The following WIPF3 variants were observed in gnomAD, a reference collection of about 807,000 sequenced individuals.
WIPF3 encodes WAS/WASL interacting protein family member 3.
In WIPF3, 33 loss-of-function variants were observed where a neutral mutation model predicts 38.9. The ratio of observed to expected loss-of-function variants is 0.85; its 90% CI spans 0.64 to 1.14. The LOEUF (loss-of-function observed/expected upper bound fraction) is 1.14. WIPF3 is among the 50% of genes most tolerant of loss of function. WIPF3 has a pLI of 0.00. For synonymous variants in WIPF3, 324 were observed against 269.3 expected (o/e 1.20, Z -1.99); for missense variants, 711 against 652.5 (o/e 1.09, Z -0.98).
intron 8 of WIPF3, 76 bp from the exon 9 acceptor site, chr7:29,914,417 G>A (rs974611302): frequency 1.6e-6 from 2 of 1,220,370 alleles, no homozygotes; most frequent in Admixed American, 3.0e-5. Context: ...GCCTGTTTGG[G>A]GGGGTGGAGG....
chr7:29,884,194 C>T lies in WIPF3; in HGVS notation c.700C>T (p.Pro234Ser). 1.3e-6 allele frequency: 2 copies of T among 1,521,948 alleles called. No individual in the cohort carries two copies. Among genetic ancestry groups the T allele is most frequent in the Non-Finnish European group, 1.8e-6 (2 of 1,130,614 alleles). The allele number at this position is 1,521,948 out of a possible 1,614,324, so 94.3% of individuals were successfully genotyped here. Residue 234 changes from proline (P) to serine (S), a missense_variant, in exon 5 of 9, where the codon CCA (proline) becomes TCA (serine). Pro to Ser is a moderately conservative substitution (Grantham distance 74). Transcript: ENST00000242140. ...TCCACCTCCGCCACCTCCCCCAACG[C>T]CACCCCCGCTGCCCCCGGCCTCGGT... is the stretch of plus-strand genomic sequence containing the variant. ...PPPPPPPPPT[P>S]PPLPPASVLS... is the part of the protein sequence containing the mutation.
intron 2 of WIPF3, among the ~76,000 whole-genome samples, chr7:29,854,767 A>C (rs1446184362): frequency 6.6e-6 from 1 of 152,194 alleles, no homozygotes; most frequent in Non-Finnish European, 1.5e-5. Context: ...CAATGTCGAA[A>C]TCCTAACCCC....
In WIPF3 at chr7:29,858,051, GGTAA is replaced by G. The variant is rs377442018; in HGVS notation, c.91-17776_91-17773del. On this transcript the variant is annotated intron_variant, in intron 2 of 8. Transcript: ENST00000242140. ...AAAATGTTTATGTATTAGTTTTTAT[GGTAA>G]GTGTCTTACAGTCATATTACATAGC... 1.6e-4 allele frequency among the ~76,000 whole-genome samples: 25 copies of G among 152,044 alleles called. 1 individual carries two copies. Among genetic ancestry groups the G allele is most frequent in the African/African-American group, 5.5e-4 (23 of 41,454 alleles).
At chr7:29,837,773 A>C (rs1430049256) in intron 2 of WIPF3, among the ~76,000 whole-genome samples, 1 of 152,244 alleles carries the variant, frequency 6.6e-6, no homozygotes, top group African/African-American at 2.4e-5. Flanking sequence ...TGATGAATAC[A>C]AAGATGGGCA....
rs1785661630 is a variant in WIPF3 at position 29,878,990 on chromosome 7, T to C, written c.224-19T>C. 1 of 1,581,838 alleles carries C rather than the reference T, an allele frequency of 6.3e-7. No homozygotes were observed. The highest frequency in any genetic ancestry group is 8.6e-7 in the Non-Finnish European group (1 of 1,159,448). ...GCTCTGCTCTCAAGTCCTTGCCTAT[T>C]TGTGTCTTCTCTCTAAAGGTTCTAA... On this transcript the variant is annotated intron_variant, in intron 3 of 8. Transcript: ENST00000242140. The surrounding 1 kb of genome is among the most constrained non-coding windows in gnomAD (Gnocchi z 4.0).
At chr7:29,850,119 G>T (rs1049879688) in intron 2 of WIPF3, among the ~76,000 whole-genome samples, 8 of 152,204 alleles carry the variant, frequency 5.3e-5, no homozygotes, top group Non-Finnish European at 8.8e-5. Context: ...TGCTCAGATA[G>T]TTACATTTAA....
chr7:29,879,305 T>C (rs893491582), intron 4 of WIPF3, among the ~76,000 whole-genome samples, 165 bp downstream of exon 4: 2 of 152,244 alleles, frequency 1.3e-5, no homozygotes, highest in Admixed American at 1.3e-4. Context: ...ACTTCCAAAG[T>C]ACAAAATGGT....
At chr7:29,904,450 A>G in intron 8 of WIPF3, 88 bp downstream of exon 8, 1 of 1,320,720 alleles carries the variant, frequency 7.6e-7, no homozygotes, top group Non-Finnish European at 1.1e-6. Flanking sequence ...TCTCCTAAAC[A>G]GCTTTATATT....
intron 2 of WIPF3, among the ~76,000 whole-genome samples, chr7:29,863,126 T>C (rs889067616): frequency 1.3e-5 from 2 of 152,212 alleles, no homozygotes; most frequent in Non-Finnish European, 2.9e-5. Flanking sequence ...AACAACTTTG[T>C]AAATTGCAAC....
rs752060078 is a variant in WIPF3 at position 29,884,577 on chromosome 7, G to A, written c.1083G>A (p.Lys361=). ...GCTCCCAGCCGTTCCTGCAGAAGAA[G>A]AGGCATGGCCGACCAGGTAAGGAGC... ...PPGSQPFLQK[K]RHGRPGAGGG... is the part of the protein sequence containing the mutation. The change falls in exon 5 of 9, where the codon AAG becomes AAA. Residue 361 remains lysine, a synonymous_variant. Coordinates refer to ENST00000242140, the MANE Select transcript of WIPF3 (RefSeq NM_001080529.3). The A allele has an allele frequency of 5.0e-6, 8 of 1,605,308 alleles. No homozygotes were observed. The highest frequency in any genetic ancestry group is 6.8e-6 in the Non-Finnish European group (8 of 1,177,190).
intron 8 of WIPF3, 52 bp downstream of exon 8, chr7:29,904,414 G>A: frequency 6.4e-7 from 1 of 1,565,836 alleles, no homozygotes; most frequent in Admixed American, 1.7e-5. Context: ...CTCCTCAGGA[G>A]GCACAGAAAT....
At chr7:29,882,557 C>A (rs187098208) in intron 4 of WIPF3, among the ~76,000 whole-genome samples, 1 of 152,204 alleles carries the variant, frequency 6.6e-6, no homozygotes, top group African/African-American at 2.4e-5. Flanking sequence ...TACTTAGCTT[C>A]ACCTGAGTCA....
chr7:29,892,507 G>C (rs1786044636), intron 7 of WIPF3, among the ~76,000 whole-genome samples: 1 of 152,266 alleles, frequency 6.6e-6, no homozygotes, highest in Admixed American at 6.5e-5. Flanking sequence ...GGACCCTGCA[G>C]TGGATGCTGT....
At chr7:29,841,342 C>A (rs923932014) in intron 2 of WIPF3, among the ~76,000 whole-genome samples, 5 of 152,144 alleles carry the variant, frequency 3.3e-5, no homozygotes, top group African/African-American at 1.2e-4. Flanking sequence ...TCATCTCCGT[C>A]GCTGATGAGC....
At chr7:29,905,817 C>T (rs1266006694) in intron 8 of WIPF3, 3 of 152,204 alleles carry the variant, frequency 2.0e-5, no homozygotes, top group African/African-American at 7.2e-5. Context: ...CCATTTTGTT[C>T]CTCCTGTCCT....
intron 7 of WIPF3, among the ~76,000 whole-genome samples, chr7:29,892,850 G>A (rs1201438959): frequency 1.3e-5 from 2 of 152,184 alleles, no homozygotes; most frequent in African/African-American, 4.8e-5. Context: ...CAGATCACCT[G>A]AGGTCAGGAG....
At chr7:29,904,037 A>G (rs1056475668) in intron 7 of WIPF3, among the ~76,000 whole-genome samples, 1 of 152,184 alleles carries the variant, frequency 6.6e-6, no homozygotes, top group Non-Finnish European at 1.5e-5. Context: ...ATATTTGGGT[A>G]AAGAAGTTCT....
At chr7:29,809,725 A>G (rs907579958) in intron 1 of WIPF3, among the ~76,000 whole-genome samples, 10 of 152,318 alleles carry the variant, frequency 6.6e-5, no homozygotes, top group Admixed American at 1.3e-4. Flanking sequence ...GAACCCGACC[A>G]TTATGCAGCA....
intron 2 of WIPF3, among the ~76,000 whole-genome samples, chr7:29,846,593 C>T (rs174944): frequency 0.74 from 112,789 of 151,708 alleles, 42,498 homozygotes; most frequent in East Asian, 0.87. Context: ...CCCAGCTACT[C>T]GGGAGGCTGA....
Sources: gnomAD v4.1 joint callset for allele counts (sites outside exome capture counted in the v4.1 genomes callset) on GRCh38, gnomAD v4.1.1 for gene constraint, Gnocchi (gnomAD v3.1) non-coding constraint, MANE v1.5 for transcripts, NCBI Gene and HGNC (gene_info 2026-07-23, HGNC 2026-07-21) for gene names.